DAB2: variants seen among roughly 807,000 people sequenced by gnomAD.
DAB2 encodes the protein DAB adaptor protein 2, also known as disabled homolog 2.
Under a neutral mutation model 71.6 loss-of-function variants are expected in DAB2, and 28 were observed. The ratio of observed to expected loss-of-function variants is 0.39; its 90% confidence interval spans 0.29 to 0.54. The LOEUF is 0.54. DAB2 is among the 20% of genes least tolerant of loss of function. The probability of loss-of-function intolerance (pLI) is 0.68; values close to 1 mark genes in which losing one functional copy is unlikely to be tolerated. For synonymous variants in DAB2, 345 were observed against 339.7 expected, an observed-to-expected ratio of 1.02 and a Z score of -0.17; for missense variants, 867 against 928.8, an observed-to-expected ratio of 0.93 and a Z score of 0.86.
intron 1 of DAB2, among the ~76,000 whole-genome samples, chr5:39,403,518 A>G (rs574769849): frequency 4.6e-4 from 70 of 152,214 alleles, no homozygotes; most frequent in African/African-American, 1.7e-3. Flanking sequence ...TAGAAAAAGG[A>G]TCTTACATGG....
In DAB2 at chr5:39,377,022, G is replaced by A. The variant is rs774816266; in HGVS notation, c.1765C>T (p.Pro589Ser). ...TTGCTCTGAAAAGGATTCCCCAAAG[G>A]GCTTGTTGTTGACCAAGCATTGGGT... Reference protein sequence around the residue: ...VAPNAWSTTSPLGNPFQSNIF... With the variant: ...VAPNAWSTTSSLGNPFQSNIF... The change falls in exon 12 of 15, where the codon CCT (proline) becomes TCT (serine). Residue 589 changes from proline to serine, a missense_variant. Pro to Ser is a moderately conservative substitution (Grantham distance 74). This residue lies in a region of DAB2 where 740 missense variants were observed against 734.3 expected (regional missense o/e 1.01). Coordinates refer to ENST00000320816, the MANE Select transcript of DAB2 (RefSeq NM_001343.4). 3.7e-6 allele frequency: 6 copies of A among 1,613,932 alleles called. No individual in the cohort carries two copies. The African/African-American group carries it at 8.0e-5, about 22-fold the overall frequency.
Position 39,389,883 on chromosome 5 carries a change from T to C in DAB2, c.512A>G (p.Asn171Ser), listed in dbSNP as rs765000935. The change falls in exon 6 of 15, where the codon AAT (asparagine) becomes AGT (serine). Residue 171 changes from asparagine to serine, a missense_variant. Transcript: ENST00000320816. ...DLKDLFQVIYNVKKKEEEKKK... is the reference protein window; with the variant it reads ...DLKDLFQVIYSVKKKEEEKKK... The stretch of plus-strand genomic sequence containing the variant: ...CTTTTCTTCTTCCTTTTTCTTTACA[T>C]TATAGATAACTTGAAAAAGGTCTTT... The C allele has an allele frequency of 6.3e-7, 1 of 1,594,392 alleles. No individual in the cohort carries two copies. The highest frequency in any genetic ancestry group is 1.7e-5 in the Admixed American group (1 of 57,852).
chr5:39,394,473 C>T (rs1755309468), intron 1 of DAB2, 52 bp from the exon 2 acceptor site: 1 of 621,670 alleles, frequency 1.6e-6, no homozygotes, highest in African/African-American at 1.8e-5. Context: ...CAGACCCAGA[C>T]TTTATGCCAG....
intron 9 of DAB2, among the ~76,000 whole-genome samples, chr5:39,383,656 C>G (rs1755033016): frequency 6.6e-6 from 1 of 152,170 alleles, no homozygotes; most frequent in Non-Finnish European, 1.5e-5. Context: ...AAATGATTAT[C>G]AAAGTATGTT....
chr5:39,398,299 T>A (rs1042923830), intron 1 of DAB2, among the ~76,000 whole-genome samples: 1 of 152,136 alleles, frequency 6.6e-6, no homozygotes, highest in African/African-American at 2.4e-5. Flanking sequence ...GAATCTAGCG[T>A]TGGCAGACTG....
chr5:39,390,035 TA>T, intron 5 of DAB2, 103 bp from the exon 6 acceptor site: 1 of 814,714 alleles, frequency 1.2e-6, no homozygotes, highest in Non-Finnish European at 1.9e-6. Context: ...TTTTTAATCT[TA>T]AAACGCCTTA....
intron 9 of DAB2, among the ~76,000 whole-genome samples, chr5:39,384,417 CA>C (rs1755050166): frequency 6.6e-6 from 1 of 152,164 alleles, no homozygotes; most frequent in East Asian, 1.9e-4. Flanking sequence ...TCTCTTCTCT[CA>C]AAATATTATA....
chr5:39,383,288 G>GAAA lies in DAB2; in HGVS notation c.688-20_688-18dup. The stretch of plus-strand genomic sequence containing the variant: ...TTTGCTTTCCTATCACATTTGGAAA[G>GAAA]AAAAAAAAAGAAAGTGTTAGTCCAT... On this transcript the variant is annotated splice_polypyrimidine_tract_variant and intron_variant, in intron 9 of 14. Coordinates refer to ENST00000320816, the MANE Select transcript of DAB2 (RefSeq NM_001343.4). 1.3e-6 allele frequency: 2 copies of GAAA among 1,534,372 alleles called. No homozygotes were observed. The highest frequency in any genetic ancestry group is 1.8e-6 in the Non-Finnish European group (2 of 1,138,242).
At chr5:39,374,901 A>T (rs770276437) in intron 14 of DAB2, 113 bp downstream of exon 14, 258 of 725,842 alleles carry the variant, frequency 3.6e-4, no homozygotes, top group Non-Finnish European at 5.2e-4. Flanking sequence ...TTACTCCTAA[A>T]TTATAGATAT....
chr5:39,420,909 T>G (rs1461202666), intron 1 of DAB2, among the ~76,000 whole-genome samples: 1 of 152,072 alleles, frequency 6.6e-6, no homozygotes, highest in East Asian at 1.9e-4. Flanking sequence ...TGGGCAAGGA[T>G]AGTATGGGGC....
intron 1 of DAB2, among the ~76,000 whole-genome samples, chr5:39,395,295 G>T (rs2855510): frequency 6.6e-6 from 1 of 151,988 alleles, no homozygotes. Flanking sequence ...GATGACCAAA[G>T]GCAAAGAAAA....
chr5:39,394,536 T>C (rs1206597016), intron 1 of DAB2, 115 bp from the exon 2 acceptor site: 1 of 559,096 alleles, frequency 1.8e-6, no homozygotes, highest in Non-Finnish European at 3.2e-6. Context: ...CTCATTTTGT[T>C]CCTTCTCCTG....
intron 1 of DAB2, among the ~76,000 whole-genome samples, chr5:39,417,005 G>C (rs1328908266): frequency 6.6e-6 from 1 of 152,128 alleles, no homozygotes; most frequent in African/African-American, 2.4e-5. Context: ...AATAGAGCCA[G>C]GTTAAGTTAT....
rs1755783130 is a variant in DAB2 at position 39,413,744 on chromosome 5, T to TA, written c.-102+11059dup. On this transcript the variant is annotated intron_variant, in intron 1 of 14. Coordinates refer to ENST00000320816, the MANE Select transcript of DAB2 (RefSeq NM_001343.4). The stretch of plus-strand genomic sequence containing the variant: ...CTTCTTATACATTTAGAATAAGTGA[T>TA]ATTGGGGCGATGCGCTTTCTGTATT... Among the ~76,000 whole-genome samples the TA allele has an allele frequency of 2.6e-5, 4 of 152,312 alleles. No individual in the cohort carries two copies. In the South Asian group the frequency reaches 8.3e-4, roughly 32 times the overall value.
chr5:39,392,277 G>A, intron 4 of DAB2, 88 bp downstream of exon 4: 1 of 927,076 alleles, frequency 1.1e-6, no homozygotes, highest in Non-Finnish European at 1.8e-6. Flanking sequence ...AGAACTTTGA[G>A]AACGAAGAAG....
At chr5:39,373,495 T>G (rs1754749116) in intron 14 of DAB2, 70 bp from the exon 15 acceptor site, 1 of 152,348 alleles carries the variant, frequency 6.6e-6, no homozygotes, top group South Asian at 2.1e-4. Context: ...GTATTAAATA[T>G]CAAGTCATTA....
chr5:39,376,051 G>A lies in DAB2; in HGVS notation c.2193C>T (p.Asp731=). The A allele has an allele frequency of 6.2e-7, 1 of 1,614,094 alleles. No homozygotes were observed. Residue 731 remains aspartate, a synonymous_variant, in exon 13 of 15, where the codon GAC becomes GAT. Coordinates refer to ENST00000320816, the MANE Select transcript of DAB2 (RefSeq NM_001343.4). The part of the protein sequence containing the change: ...QVSLPVTKST[D]NAFENPFFKD... ...TAAAGAAAGGGTTCTCAAATGCATT[G>A]TCAGTAGATTTGGTAACTGGCAGGG...
Position 39,390,419 on chromosome 5 carries a change from G to T in DAB2, c.462+25C>A, listed in dbSNP as rs556769735. The T allele has an allele frequency of 3.8e-5, 61 of 1,610,802 alleles. No homozygotes were observed. The South Asian group carries it at 6.6e-4, about 18-fold the overall frequency. ...ATGTCCACAGAGGACAAGTCCCCAG[G>T]TCTATGTCAAGACTTAGAGCTCACC... is the stretch of plus-strand genomic sequence containing the variant. On this transcript the variant is annotated intron_variant, in intron 5 of 14. Coordinates refer to ENST00000320816, the MANE Select transcript of DAB2 (RefSeq NM_001343.4).
intron 1 of DAB2, among the ~76,000 whole-genome samples, chr5:39,402,187 CA>C (rs2112081926): frequency 6.6e-6 from 1 of 152,240 alleles, no homozygotes; most frequent in East Asian, 1.9e-4. Flanking sequence ...TCCCACAATA[CA>C]TGGGAATTAT....
Sources: allele counts gnomAD v4.1 joint callset (sites outside exome capture counted in the v4.1 genomes callset), GRCh38; gene constraint gnomAD v4.1.1; regional missense constraint gnomAD v4.1.1; transcripts MANE v1.5; gene names NCBI Gene and HGNC (gene_info 2026-07-23, HGNC 2026-07-21).